Variants in CALHM4 observed in about 807,000 individuals in gnomAD.
CALHM4 encodes calcium homeostasis modulator protein 4.
CALHM4 carries 16 observed loss-of-function variants against 13.3 expected under a neutral mutation model. The observed-to-expected ratio is 1.20, with a 90% CI of 0.81 to 1.82. The LOEUF (loss-of-function observed/expected upper bound fraction) is 1.82, where lower values mean the gene tolerates loss of function less well. Ranked by LOEUF, CALHM4 falls within the 40% of genes most tolerant of loss-of-function variation. CALHM4 has a pLI of 0.00. For missense variants in CALHM4, 344 were observed against 374.9 expected (o/e 0.92, Z 0.68); for synonymous variants, 127 against 137.1 (o/e 0.93, Z 0.52).
intron 1 of CALHM4, chr6:116,540,357 A>T (rs1451408004): frequency 6.5e-7 from 1 of 1,549,906 alleles, no homozygotes; most frequent in East Asian, 2.4e-5. Context: ...ATAAAAACAT[A>T]GTTACCTGGG....
Position 116,559,660 on chromosome 6 carries a change from C to T in CALHM4, c.*1449C>T, listed in dbSNP as rs761735569. On this transcript the variant is annotated 3_prime_UTR_variant, in exon 2 of 2. Coordinates refer to ENST00000368596, the MANE Select transcript of CALHM4 (RefSeq NM_001366078.2). Reference sequence around the variant, plus strand: ...GACAAATCAGTCCATCTCTCTGGACCCTGGATTTTTTTCATCTATACAATA... The same window carrying T: ...GACAAATCAGTCCATCTCTCTGGACTCTGGATTTTTTTCATCTATACAATA... Among the ~76,000 whole-genome samples the T allele has an allele frequency of 1.3e-5, 2 of 151,960 alleles. No homozygotes were observed. Among genetic ancestry groups the T allele is most frequent in the Non-Finnish European group, 2.9e-5 (2 of 67,990 alleles).
In CALHM4 at chr6:116,554,214, C is replaced by A. The variant is rs181030836; in HGVS notation, c.421C>A (p.His141Asn). The A allele has an allele frequency of 7.0e-5, 108 of 1,550,568 alleles. No individual in the cohort carries two copies. The African/African-American group carries it at 1.4e-3, about 20-fold the overall frequency. The part of the protein sequence containing the change: ...CAASEFASVD[H>N]YPMFDNVSAS... ...AGCAAGTGAATTTGCATCTGTGGAC[C>A]ATTACCCAATGTTTGATAATGTCAG... The change falls in exon 1 of 2, where the codon CAT becomes AAT. Residue 141 changes from histidine to asparagine, a missense_variant. His to Asn is a moderately conservative substitution (Grantham distance 68). Transcript: ENST00000368596.
upstream of CALHM4, among the ~76,000 whole-genome samples, chr6:116,550,025 T>TATATATATACAC (rs765467696): frequency 1.0e-5 from 1 of 96,338 alleles, no homozygotes; most frequent in African/African-American, 4.1e-5. Flanking sequence ...TATATATATA[T>TATATATATACAC]ACACACACAC....
At chr6:116,547,448 T>C (rs930853192) in intron 2 of CALHM4, among the ~76,000 whole-genome samples, 6 of 152,314 alleles carry the variant, frequency 3.9e-5, no homozygotes, top group Admixed American at 6.5e-5. Flanking sequence ...CTCTGCTCCA[T>C]TGACCTTCCA....
intron 1 of CALHM4, among the ~76,000 whole-genome samples, chr6:116,540,940 G>T (rs1295466724): frequency 1.3e-5 from 2 of 152,154 alleles, no homozygotes; most frequent in Admixed American, 6.6e-5. Flanking sequence ...AGGAGGGGAA[G>T]AAGAGAGCAG....
At chr6:116,549,995 T>C (rs1229511265), upstream of CALHM4, among the ~76,000 whole-genome samples, 2 of 30,704 alleles carry the variant, frequency 6.5e-5, no homozygotes, top group African/African-American at 1.8e-4. Context: ...TATATATATA[T>C]ATATATATAT....
upstream of CALHM4, among the ~76,000 whole-genome samples, chr6:116,550,605 G>C (rs1774034778): frequency 1.3e-5 from 2 of 151,966 alleles, no homozygotes; most frequent in African/African-American, 4.8e-5. Context: ...GATGTATTTA[G>C]TCCCATTTCT....
chr6:116,542,356 C>T (rs889044786), intron 1 of CALHM4, among the ~76,000 whole-genome samples: 1 of 152,000 alleles, frequency 6.6e-6, no homozygotes, highest in Non-Finnish European at 1.5e-5. Flanking sequence ...AAAAAATATG[C>T]ATACAGAAAG....
At chr6:116,529,421 A>G (rs1772562130) in intron 1 of CALHM4, among the ~76,000 whole-genome samples, 2 of 152,216 alleles carry the variant, frequency 1.3e-5, no homozygotes, top group Admixed American at 1.3e-4. Flanking sequence ...GTCTAATGGA[A>G]GGGAAATATG....
chr6:116,555,728 A>T (rs986052680), intron 1 of CALHM4, among the ~76,000 whole-genome samples: 1 of 152,252 alleles, frequency 6.6e-6, no homozygotes, highest in African/African-American at 2.4e-5. Flanking sequence ...TGTCTCAGTC[A>T]CATTTCAAGA....
chr6:116,538,481 C>T (rs1361951967), intron 1 of CALHM4, among the ~76,000 whole-genome samples: 1 of 152,066 alleles, frequency 6.6e-6, no homozygotes. Flanking sequence ...TAAGTGAATA[C>T]ATTAATAAAT....
chr6:116,531,068 T>C (rs1413896440), intron 1 of CALHM4, among the ~76,000 whole-genome samples: 2 of 151,962 alleles, frequency 1.3e-5, no homozygotes, highest in Non-Finnish European at 2.9e-5. Context: ...GATCACCATG[T>C]TCTATCTAAT....
Position 116,540,186 on chromosome 6 carries a change from A to C in CALHM4, c.-108-3579A>C, listed in dbSNP as rs1488138402. ...CTATAGTTGCTTAAATGCATCTTTC[A>C]GTTCACAGTAGCTTTATCTCTGTGC... On this transcript the variant is annotated intron_variant, in intron 1 of 2. Coordinates refer to the CALHM4 transcript ENST00000368597. 3.3e-5 allele frequency among the ~76,000 whole-genome samples: 5 copies of C among 152,204 alleles called. No homozygotes were observed. The East Asian group carries it at 9.6e-4, about 29-fold the overall frequency.
At chr6:116,532,297 C>T (rs532366891) in intron 1 of CALHM4, among the ~76,000 whole-genome samples, 6 of 152,226 alleles carry the variant, frequency 3.9e-5, no homozygotes, top group Admixed American at 3.3e-4. Flanking sequence ...AACGGGGTCT[C>T]GCTATATTGC....
intron 2 of CALHM4, among the ~76,000 whole-genome samples, chr6:116,545,059 A>G (rs1440302525): frequency 6.6e-6 from 1 of 151,668 alleles, no homozygotes; most frequent in Non-Finnish European, 1.5e-5. Flanking sequence ...TTTTTTGATG[A>G]CCTATTTCGA....
intron 1 of CALHM4, among the ~76,000 whole-genome samples, chr6:116,538,717 G>A (rs1773245427): frequency 6.6e-6 from 1 of 151,078 alleles, no homozygotes; most frequent in African/African-American, 2.4e-5. Flanking sequence ...GCAAGACAAA[G>A]TCTTAAATCT....
At chr6:116,533,783 C>T (rs1207670107) in intron 1 of CALHM4, among the ~76,000 whole-genome samples, 1 of 152,202 alleles carries the variant, frequency 6.6e-6, no homozygotes, top group African/African-American at 2.4e-5. Context: ...CTTTTGTTGG[C>T]TTGCTCCTGC....
chr6:116,541,525 A>G (rs923089335), intron 1 of CALHM4, among the ~76,000 whole-genome samples: 16 of 152,174 alleles, frequency 1.1e-4, no homozygotes, highest in Non-Finnish European at 2.1e-4. Context: ...AGGGAGACGG[A>G]TTTGATGTGA....
At position 116,560,173 on chromosome 6, in the gene CALHM4, T is replaced by C. The variant is rs777973845; in HGVS notation, c.*1962T>C. On this transcript the variant is annotated 3_prime_UTR_variant, in exon 2 of 2. Transcript: ENST00000368596. ...TAAAATTCTGTTCCTATATAACTGA[T>C]AATTTTTTATATTCTTCTGTATTGG... Among the ~76,000 whole-genome samples, 2 of 152,206 alleles carry C rather than the reference T, an allele frequency of 1.3e-5. No individual in the cohort carries two copies. The highest frequency in any genetic ancestry group is 2.4e-5 in the African/African-American group (1 of 41,462).
Sources: allele counts gnomAD v4.1 joint callset (sites outside exome capture counted in the v4.1 genomes callset), GRCh38; gene constraint gnomAD v4.1.1; transcripts MANE v1.5; gene names NCBI Gene and HGNC (gene_info 2026-07-23, HGNC 2026-07-21).